Variants in MAP2K4 observed in about 807,000 individuals in gnomAD.
MAP2K4 encodes dual specificity mitogen-activated protein kinase kinase 4.
A neutral mutation model predicts 48.5 loss-of-function variants in MAP2K4; 4 were observed. The ratio of observed to expected loss-of-function variants is 0.08; its 90% CI spans 0.04 to 0.19. The LOEUF is 0.19. MAP2K4 is among the 10% of genes least tolerant of loss of function. MAP2K4 has a pLI of 1.00. For missense variants in MAP2K4, 258 were observed against 493.3 expected, an observed-to-expected ratio of 0.52 and a Z score of 4.52; for synonymous variants, 166 against 173.1, an observed-to-expected ratio of 0.96 and a Z score of 0.32.
intron 1 of MAP2K4, among the ~76,000 whole-genome samples, chr17:12,023,609 C>T (rs1393045115): frequency 6.6e-6 from 1 of 152,214 alleles, no homozygotes; most frequent in South Asian, 2.1e-4. Context: ...CATTGGACAT[C>T]CTCTTATGTG....
chr17:12,025,948 G>T (rs1216823111), intron 1 of MAP2K4, among the ~76,000 whole-genome samples: 2 of 152,156 alleles, frequency 1.3e-5, no homozygotes, highest in Non-Finnish European at 2.9e-5. Context: ...ACAGTGAAGA[G>T]TTTCAAACCC....
chr17:12,141,314 A>G lies in MAP2K4; in HGVS notation c.*54A>G. On this transcript the variant is annotated 3_prime_UTR_variant, in exon 11 of 11. Transcript: ENST00000353533. ...AAGGGCTGAGAGGAAGCAAGACGTA[A>G]AGAATTTTCATCCCGTATCACAGTG... The G allele has an allele frequency of 1.6e-6, 2 of 1,215,050 alleles. No homozygotes were observed. Among genetic ancestry groups the G allele is most frequent in the Non-Finnish European group, 2.4e-6 (2 of 816,918 alleles). The allele number at this position is 1,215,050 out of a possible 1,614,324, so 75.3% of individuals were successfully genotyped here. A position where few individuals can be genotyped will look rare whatever the true frequency, so the allele number is the denominator to read the frequency against.
intron 2 of MAP2K4, among the ~76,000 whole-genome samples, chr17:12,060,864 T>C (rs1445084455): frequency 3.3e-5 from 5 of 152,254 alleles, no homozygotes; most frequent in East Asian, 3.9e-4. Context: ...TACAGTTCAT[T>C]GGGATTAATT....
chr17:12,095,505 G>T (rs1448846855), intron 3 of MAP2K4, 70 bp from the exon 4 acceptor site: 1 of 1,574,488 alleles, frequency 6.4e-7, no homozygotes, highest in Non-Finnish European at 8.7e-7. Flanking sequence ...TCTACCATGA[G>T]ACTAAAAATT....
chr17:12,101,935 T>C (rs1351236937), intron 4 of MAP2K4, among the ~76,000 whole-genome samples: 1 of 152,104 alleles, frequency 6.6e-6, no homozygotes. Context: ...ACATAGATCA[T>C]CATTTTGTCT....
intron 7 of MAP2K4, chr17:12,115,796 T>G: frequency 1.4e-6 from 1 of 734,656 alleles, no homozygotes; most frequent in South Asian, 1.3e-5. Flanking sequence ...AAGTTCCTGC[T>G]TCTGGGACAG....
intron 1 of MAP2K4, among the ~76,000 whole-genome samples, chr17:12,052,267 G>T (rs1970166069): frequency 6.6e-6 from 1 of 152,190 alleles, no homozygotes; most frequent in Non-Finnish European, 1.5e-5. Context: ...ACTTTTTCAA[G>T]ATAATTGCAG....
intron 9 of MAP2K4, among the ~76,000 whole-genome samples, chr17:12,133,647 GAA>G (rs28921088): frequency 6.6e-6 from 1 of 151,898 alleles, no homozygotes; most frequent in East Asian, 1.9e-4. Flanking sequence ...CCTGGGGGAA[GAA>G]AAAACAAAAA....
intron 8 of MAP2K4, among the ~76,000 whole-genome samples, 199 bp downstream of exon 8, chr17:12,125,570 T>C (rs996162131): frequency 2.0e-5 from 3 of 152,308 alleles, no homozygotes; most frequent in East Asian, 1.9e-4. Context: ...CTTGAAGTTA[T>C]GTGAAGTGTC....
At chr17:12,120,209 C>T (rs1972639743) in intron 7 of MAP2K4, among the ~76,000 whole-genome samples, 1 of 152,052 alleles carries the variant, frequency 6.6e-6, no homozygotes, top group Admixed American at 6.6e-5. Context: ...GCCTGTAATC[C>T]CAGCACTTTG....
intron 7 of MAP2K4, chr17:12,115,974 T>A: frequency 2.5e-6 from 1 of 407,366 alleles, no homozygotes; most frequent in Non-Finnish European, 4.7e-6. Context: ...CTCGTTCTTT[T>A]TAAGTCTGTT....
intron 2 of MAP2K4, among the ~76,000 whole-genome samples, chr17:12,066,715 A>C (rs1196531636): frequency 6.6e-6 from 1 of 151,676 alleles, no homozygotes; most frequent in Non-Finnish European, 1.5e-5. Flanking sequence ...TTTGAGACGG[A>C]GTCTCGTTCT....
intron 6 of MAP2K4, among the ~76,000 whole-genome samples, chr17:12,112,733 AG>A (rs1362167598): frequency 1.3e-5 from 2 of 152,334 alleles, no homozygotes; most frequent in East Asian, 3.9e-4. Flanking sequence ...TCAATGAGAA[AG>A]GGATTTGACA....
rs55924570 is a variant in MAP2K4, at chr17:12,141,191, C to A, written c.1131C>A (p.Val377=). Reference sequence around the variant, plus strand: ...TGTATGAAGAACGTGCCGTTGAGGTCGCATGCTATGTTTGTAAAATCCTGG... The same window carrying A: ...TGTATGAAGAACGTGCCGTTGAGGTAGCATGCTATGTTTGTAAAATCCTGG... ...ILMYEERAVE[V]ACYVCKILDQ... The change falls in exon 11 of 11, where the codon GTC becomes GTA. Residue 377 remains valine (V), a synonymous_variant. Coordinates refer to ENST00000353533, the MANE Select transcript of MAP2K4 (RefSeq NM_003010.4). 6.2e-7 allele frequency: 1 copy of A among 1,613,780 alleles called. No homozygotes were observed. Among genetic ancestry groups the A allele is most frequent in the Non-Finnish European group, 8.5e-7 (1 of 1,179,758 alleles).
At chr17:12,114,971 C>T (rs376784575) in intron 7 of MAP2K4, among the ~76,000 whole-genome samples, 69 of 152,266 alleles carry the variant, frequency 4.5e-4, no homozygotes, top group African/African-American at 1.6e-3. Flanking sequence ...ATTCTTCTGT[C>T]CATTCTCATC....
chr17:12,023,101 C>T (rs959142449), intron 1 of MAP2K4, among the ~76,000 whole-genome samples: 1 of 152,124 alleles, frequency 6.6e-6, no homozygotes, highest in Admixed American at 6.5e-5. Context: ...TGAATTATTG[C>T]CGAATTTTCT....
At chr17:12,065,961 C>T (rs1390701564) in intron 2 of MAP2K4, among the ~76,000 whole-genome samples, 2 of 152,052 alleles carry the variant, frequency 1.3e-5, no homozygotes, top group Non-Finnish European at 2.9e-5. Context: ...TTTGAAAGAA[C>T]CCTAGAGTGA....
At chr17:12,135,279 G>T (rs995918186) in intron 9 of MAP2K4, among the ~76,000 whole-genome samples, 1 of 152,100 alleles carries the variant, frequency 6.6e-6, no homozygotes, top group African/African-American at 2.4e-5. Context: ...TAGAGTTGGG[G>T]TTTCTCCATG....
At chr17:12,028,005 G>C (rs1432497887) in intron 1 of MAP2K4, among the ~76,000 whole-genome samples, 1 of 152,106 alleles carries the variant, frequency 6.6e-6, no homozygotes, top group Non-Finnish European at 1.5e-5. Flanking sequence ...TTTAGTCCAG[G>C]CTTTTGGTTG....
Sources: allele counts gnomAD v4.1 joint callset (sites outside exome capture counted in the v4.1 genomes callset), GRCh38; gene constraint gnomAD v4.1.1; transcripts MANE v1.5; gene names NCBI Gene and HGNC (gene_info 2026-07-23, HGNC 2026-07-21).